The following RAP1A variants were observed in gnomAD, a reference collection of about 807,000 sequenced individuals.
RAP1A encodes ras-related protein Rap-1A.
RAP1A carries 6 observed loss-of-function variants against 26.4 expected under a neutral mutation model. The ratio of observed to expected loss-of-function variants is 0.23; its 90% CI spans 0.12 to 0.45. RAP1A has a LOEUF of 0.45. Ranked by LOEUF, RAP1A falls within the 20% of genes least tolerant of loss-of-function variation. RAP1A has a pLI of 0.99. For synonymous variants in RAP1A, 73 were observed against 79.4 expected, an observed-to-expected ratio of 0.92 and a Z score of 0.43; for missense variants, 121 against 217.2, an observed-to-expected ratio of 0.56 and a Z score of 2.78.
At chr1:111,606,864 TC>T (rs1658794553) in intron 1 of RAP1A, among the ~76,000 whole-genome samples, 1 of 152,136 alleles carries the variant, frequency 6.6e-6, no homozygotes, top group African/African-American at 2.4e-5. Context: ...AAAAGCATAC[TC>T]GAATGTAGTT....
intron 4 of RAP1A, among the ~76,000 whole-genome samples, chr1:111,702,268 A>T (rs1229665193): frequency 6.6e-6 from 1 of 152,210 alleles, no homozygotes; most frequent in African/African-American, 2.4e-5. Flanking sequence ...CAAGACATAC[A>T]CATTTTTAAT....
intron 1 of RAP1A, among the ~76,000 whole-genome samples, chr1:111,675,534 A>G (rs11811128): frequency 0.13 from 20,110 of 152,076 alleles, 2,025 homozygotes; most frequent in African/African-American, 0.29. Flanking sequence ...TCCCTAGCCC[A>G]TTAATTTTGT....
At chr1:111,708,843 C>T (rs1029157627) in intron 6 of RAP1A, among the ~76,000 whole-genome samples, 4 of 146,968 alleles carry the variant, frequency 2.7e-5, no homozygotes, top group Non-Finnish European at 5.9e-5. Context: ...AGAATAGAAC[C>T]GAAGTTGTTG....
At chr1:111,600,489 G>A (rs548534809) in intron 1 of RAP1A, among the ~76,000 whole-genome samples, 1 of 152,348 alleles carries the variant, frequency 6.6e-6, no homozygotes, top group South Asian at 2.1e-4. Context: ...CACACGCCAG[G>A]CAGCAAGGCT....
At chr1:111,611,197 T>C (rs1209054262) in intron 1 of RAP1A, among the ~76,000 whole-genome samples, 1 of 152,224 alleles carries the variant, frequency 6.6e-6, no homozygotes, top group Non-Finnish European at 1.5e-5. Context: ...CTAACTTTTA[T>C]CTAGTAAACA....
At chr1:111,708,591 A>G (rs1316933909) in intron 6 of RAP1A, among the ~76,000 whole-genome samples, 1 of 152,246 alleles carries the variant, frequency 6.6e-6, no homozygotes, top group East Asian at 1.9e-4. Context: ...GGCAGTTGAC[A>G]AAATTGGAAT....
At chr1:111,579,246 C>T (rs1289222779) in intron 1 of RAP1A, among the ~76,000 whole-genome samples, 1 of 152,104 alleles carries the variant, frequency 6.6e-6, no homozygotes, top group Non-Finnish European at 1.5e-5. Context: ...TGGTCCTATC[C>T]TGAGACTAAC....
chr1:111,596,306 C>T (rs1460459092), intron 1 of RAP1A, among the ~76,000 whole-genome samples: 1 of 152,102 alleles, frequency 6.6e-6, no homozygotes, highest in Non-Finnish European at 1.5e-5. Context: ...CTGAAAGGCC[C>T]TACAGAGGCT....
chr1:111,548,625 A>T (rs1657128433), intron 1 of RAP1A, among the ~76,000 whole-genome samples: 1 of 152,192 alleles, frequency 6.6e-6, no homozygotes, highest in Non-Finnish European at 1.5e-5. Context: ...TTAATCGTTG[A>T]TCCTCTTCAA....
chr1:111,619,120 T>C, upstream of RAP1A, among the ~76,000 whole-genome samples: 1 of 152,240 alleles, frequency 6.6e-6, no homozygotes, highest in South Asian at 2.1e-4. Context: ...TGCCGGCCTT[T>C]CACTGTTTCT....
chr1:111,652,577 A>C (rs945396548), intron 1 of RAP1A, among the ~76,000 whole-genome samples: 2 of 152,170 alleles, frequency 1.3e-5, no homozygotes, highest in African/African-American at 2.4e-5. Flanking sequence ...TCATAGATAA[A>C]GTTTGCTGAC....
chr1:111,565,654 G>A (rs1657902097), intron 1 of RAP1A, among the ~76,000 whole-genome samples: 1 of 152,196 alleles, frequency 6.6e-6, no homozygotes, highest in African/African-American at 2.4e-5. Context: ...ATATAAAACT[G>A]AAGCAGTGTG....
At chr1:111,577,185 C>T (rs552357994) in intron 1 of RAP1A, among the ~76,000 whole-genome samples, 24 of 151,830 alleles carry the variant, frequency 1.6e-4, no homozygotes, top group African/African-American at 3.4e-4. Context: ...GGCGGATCAC[C>T]GGAGGTTAGG....
At chr1:111,638,037 G>A (rs1226775547) in intron 1 of RAP1A, among the ~76,000 whole-genome samples, 1 of 151,548 alleles carries the variant, frequency 6.6e-6, no homozygotes, top group African/African-American at 2.4e-5. Flanking sequence ...GCCTTTTCCT[G>A]TATATATCCT....
chr1:111,619,722 AGGGGCGGGGCAGAACCAG>A (rs1231949872), upstream of RAP1A: 1 of 393,192 alleles, frequency 2.5e-6, no homozygotes, highest in Non-Finnish European at 4.5e-6. Flanking sequence ...GCCAACTTGG[AGGGGCGGGGCAGAACCAG>A]GGGGCGGGGC....
intron 1 of RAP1A, among the ~76,000 whole-genome samples, chr1:111,559,421 C>T (rs1225271246): frequency 1.3e-5 from 2 of 152,142 alleles, no homozygotes; most frequent in African/African-American, 4.8e-5. Flanking sequence ...AACTTAGTGC[C>T]TCCAAAACCA....
chr1:111,612,926 C>T (rs1205525092), intron 1 of RAP1A, among the ~76,000 whole-genome samples: 1 of 152,128 alleles, frequency 6.6e-6, no homozygotes, highest in Non-Finnish European at 1.5e-5. Context: ...TTAGTTTTTA[C>T]CAAAGTACTA....
At chr1:111,655,346 C>CA (rs1471116988) in intron 1 of RAP1A, among the ~76,000 whole-genome samples, 2 of 149,038 alleles carry the variant, frequency 1.3e-5, no homozygotes, top group East Asian at 3.9e-4. Flanking sequence ...ACGGGATAAT[C>CA]AAAAAAAGTG....
intron 1 of RAP1A, among the ~76,000 whole-genome samples, chr1:111,683,042 A>G (rs1220011348): frequency 1.3e-5 from 2 of 152,234 alleles, no homozygotes; most frequent in Admixed American, 1.3e-4. Flanking sequence ...CTACATGGAA[A>G]CTGAACAACC....
Sources: gnomAD v4.1 joint callset for allele counts (sites outside exome capture counted in the v4.1 genomes callset) on GRCh38, gnomAD v4.1.1 for gene constraint, MANE v1.5 for transcripts, NCBI Gene and HGNC (gene_info 2026-07-23, HGNC 2026-07-21) for gene names.